The following FAM25A variants were observed in gnomAD, a reference collection of about 807,000 sequenced individuals.
The protein encoded by FAM25A is protein FAM25A.
Under a neutral mutation model 6.6 loss-of-function variants are expected in FAM25A, and 5 were observed. The ratio of observed to expected loss-of-function variants is 0.75; its 90% CI spans 0.39 to 1.59. The LOEUF (loss-of-function observed/expected upper bound fraction) is 1.59. Among genes scored for constraint, FAM25A ranks in the 40% most tolerant of loss-of-function variants. FAM25A has a pLI of 0.02. For synonymous variants in FAM25A, 36 were observed against 41.3 expected (o/e 0.87, Z 0.49); for missense variants, 93 against 109.7 (o/e 0.85, Z 0.68).
rs1322077387 is a variant in FAM25A, at chr10:87,020,346, C to G, written c.22C>G (p.Leu8Val). 6.5e-7 allele frequency: 1 copy of G among 1,549,508 alleles called. No homozygotes were observed. Among genetic ancestry groups the G allele is most frequent in the East Asian group, 2.4e-5 (1 of 40,918 alleles). MLGGLGK[L>V]AAEGLAHRTE... is the part of the protein sequence containing the mutation. ...CACGATGCTGGGAGGCCTGGGGAAG[C>G]TGGCTGCCGAAGGCCTGGCCCACCG... The change falls in exon 1 of 3, where the codon CTG (leucine) becomes GTG (valine). Residue 8 changes from leucine (L) to valine (V), a missense_variant. By Grantham distance (32) the Leu-to-Val change is conservative. Coordinates refer to ENST00000343959, the MANE Select transcript of FAM25A (RefSeq NM_001146157.3).
chr10:87,022,400 G>A (rs1487521020), intron 2 of FAM25A, 24 bp downstream of exon 2: 34 of 1,545,570 alleles, frequency 2.2e-5, no homozygotes, highest in Non-Finnish European at 2.8e-5. Context: ...AGGTCGGGCA[G>A]GGAAGGAGGG....
chr10:87,021,574 C>G (rs1404409236), intron 1 of FAM25A, among the ~76,000 whole-genome samples: 2 of 152,226 alleles, frequency 1.3e-5, no homozygotes, highest in Non-Finnish European at 2.9e-5. Context: ...CGCGATGGCG[C>G]CCCGCTCCCA....
chr10:87,022,660 C>T (rs1363721678), intron 2 of FAM25A, among the ~76,000 whole-genome samples: 1 of 152,238 alleles, frequency 6.6e-6, no homozygotes, highest in Non-Finnish European at 1.5e-5. Flanking sequence ...GGCGCGGTGG[C>T]TCACGCCTGT....
intron 2 of FAM25A, 86 bp downstream of exon 2, chr10:87,022,462 G>C (rs1845338809): frequency 1.4e-6 from 2 of 1,465,524 alleles, no homozygotes; most frequent in Non-Finnish European, 1.8e-6. Flanking sequence ...GACTAACCAG[G>C]TCAAACTCTG....
chr10:87,023,310 A>G (rs1220970026), intron 2 of FAM25A, among the ~76,000 whole-genome samples: 6 of 152,256 alleles, frequency 3.9e-5, no homozygotes, highest in Non-Finnish European at 8.8e-5. Flanking sequence ...TACAAAGCAT[A>G]TGTATATCTC....
At position 87,020,398 on chromosome 10, in the gene FAM25A, G is replaced by A; in HGVS notation, c.73+1G>A. 6.5e-7 allele frequency: 1 copy of A among 1,549,434 alleles called. No individual in the cohort carries two copies. The highest frequency in any genetic ancestry group is 8.7e-7 in the Non-Finnish European group (1 of 1,146,804). ...ACCGAGAAGGCCACCGAGGGAGCCA[G>A]TGAGGACCTGGGGCTCCTTTCTACC... On this transcript the variant is annotated splice_donor_variant, in intron 1 of 2. Coordinates refer to ENST00000343959, the MANE Select transcript of FAM25A (RefSeq NM_001146157.3). LOFTEE classifies it high-confidence loss of function.
In FAM25A at chr10:87,022,342, G is replaced by A. The variant is rs1845337206; in HGVS notation, c.102G>A (p.Glu34=). 1 of 1,548,810 alleles carries A rather than the reference G, an allele frequency of 6.5e-7. No homozygotes were observed. Among genetic ancestry groups the A allele is most frequent in the South Asian group, 1.2e-5 (1 of 83,968 alleles). The change falls in exon 2 of 3, where the codon GAG becomes GAA. Residue 34 remains glutamate, a synonymous_variant. Transcript: ENST00000343959. ...AIHAVEEVVK[E]VVGHAKETGE... ...ATGCCGTGGAAGAAGTGGTGAAGGA[G>A]GTGGTGGGACACGCCAAGGAGACTG...
intron 2 of FAM25A, 81 bp from the exon 3 acceptor site, chr10:87,024,460 G>A: frequency 6.5e-7 from 1 of 1,534,476 alleles, no homozygotes; most frequent in South Asian, 1.2e-5. Flanking sequence ...CATTAAGATG[G>A]CCACATCCCA....
At chr10:87,022,972 G>A (rs1293421304) in intron 2 of FAM25A, among the ~76,000 whole-genome samples, 2 of 148,358 alleles carry the variant, frequency 1.3e-5, no homozygotes, top group Non-Finnish European at 3.0e-5. Flanking sequence ...GGTGGCTCAC[G>A]CCTGTGATCC....
intron 2 of FAM25A, among the ~76,000 whole-genome samples, chr10:87,022,752 C>CAT (rs1845341749): frequency 1.3e-5 from 2 of 149,436 alleles, no homozygotes; most frequent in East Asian, 2.0e-4. Context: ...CGGTGAAATC[C>CAT]CATCTCTACT....
At chr10:87,022,169 T>C in intron 1 of FAM25A, 145 bp from the exon 2 acceptor site, 3 of 1,087,982 alleles carry the variant, frequency 2.8e-6, no homozygotes, top group Non-Finnish European at 4.1e-6. Context: ...TCCAGGGATG[T>C]ATAGGTCCAT....
chr10:87,024,545 T>A lies in FAM25A; in HGVS notation c.141T>A (p.Ile47=). Residue 47 remains isoleucine, a synonymous_variant, in exon 3 of 3, where the codon ATT becomes ATA. Coordinates refer to ENST00000343959, the MANE Select transcript of FAM25A (RefSeq NM_001146157.3). ...GHAKETGEKA[I]AEAIKKAQES... is the part of the protein sequence containing the mutation. ...CTTCCTCTTTCTTTCCAACAGCCAT[T>A]GCTGAAGCCATAAAGAAAGCCCAAG... The A allele has an allele frequency of 2.0e-6, 3 of 1,535,764 alleles. No individual in the cohort carries two copies. Among genetic ancestry groups the A allele is most frequent in the Non-Finnish European group, 2.6e-6 (3 of 1,146,898 alleles).
At chr10:87,023,443 A>T (rs1405121039) in intron 2 of FAM25A, among the ~76,000 whole-genome samples, 1 of 151,498 alleles carries the variant, frequency 6.6e-6, no homozygotes, top group Non-Finnish European at 1.5e-5. Context: ...ACCATAGGCC[A>T]GGTGCAGTGG....
chr10:87,023,645 T>A (rs1845352217), intron 2 of FAM25A, among the ~76,000 whole-genome samples: 1 of 152,122 alleles, frequency 6.6e-6, no homozygotes, highest in Non-Finnish European at 1.5e-5. Flanking sequence ...CCCTTGAACC[T>A]GGGAGGCGGA....
rs1475871555 is a variant in FAM25A at position 87,022,375 on chromosome 10, AG to A, written c.136+1del. ...VGHAKETGEK[A>X]IAEAIKKAQE... ...GACACGCCAAGGAGACTGGAGAGAA[AG>A]GTACAGCTGGCTGAGGTCGGGCAGG... On this transcript the variant is annotated frameshift_variant and splice_region_variant, in exon 2 of 3. Coordinates refer to ENST00000343959, the MANE Select transcript of FAM25A (RefSeq NM_001146157.3). LOFTEE classifies it high-confidence loss of function. 2 of 1,548,264 alleles carry A rather than the reference AG, an allele frequency of 1.3e-6. No homozygotes were observed. Among genetic ancestry groups the A allele is most frequent in the African/African-American group, 2.7e-5 (2 of 72,972 alleles).
In FAM25A at chr10:87,024,665, T is replaced by A. The variant is rs1210800276; in HGVS notation, c.261T>A (p.Leu87=). Residue 87 remains leucine (L), a synonymous_variant, in exon 3 of 3, where the codon CTT becomes CTA. Coordinates refer to ENST00000343959, the MANE Select transcript of FAM25A (RefSeq NM_001146157.3). ...ITHAAESLDK[L]GQ ...ATGCAGCAGAGAGTCTGGACAAACT[T>A]GGACAGTGAGTGCACCTGCTACCAC... is the stretch of plus-strand genomic sequence containing the variant. 13 of 1,535,780 alleles carry A rather than the reference T, an allele frequency of 8.5e-6. No homozygotes were observed. The highest frequency in any genetic ancestry group is 1.0e-5 in the Non-Finnish European group (12 of 1,146,898).
chr10:87,023,667 G>A (rs1019134294), intron 2 of FAM25A, among the ~76,000 whole-genome samples: 44 of 152,200 alleles, frequency 2.9e-4, no homozygotes, highest in Non-Finnish European at 4.7e-4. Flanking sequence ...GTTGCAGTGA[G>A]CTGAGATTGC....
At chr10:87,024,143 T>A (rs1845356341) in intron 2 of FAM25A, among the ~76,000 whole-genome samples, 1 of 136,306 alleles carries the variant, frequency 7.3e-6, no homozygotes, top group Non-Finnish European at 1.5e-5. Flanking sequence ...AATCCAAAAC[T>A]GAAATTTTCT....
At chr10:87,021,550 G>A (rs565315661) in intron 1 of FAM25A, among the ~76,000 whole-genome samples, 53 of 152,258 alleles carry the variant, frequency 3.5e-4, no homozygotes, top group African/African-American at 1.2e-3. Context: ...CCGGGCCTTC[G>A]CAGCCTCCAC....
Sources: gnomAD v4.1 joint callset for allele counts (sites outside exome capture counted in the v4.1 genomes callset) on GRCh38, gnomAD v4.1.1 for gene constraint, MANE v1.5 for transcripts, NCBI Gene and HGNC (gene_info 2026-07-23, HGNC 2026-07-21) for gene names.